The following HSPA12A variants were observed in gnomAD, a reference collection of about 807,000 sequenced individuals.
The protein encoded by HSPA12A is heat shock 70 kDa protein 12A.
Under a neutral mutation model 69.2 loss-of-function variants are expected in HSPA12A, and 28 were observed. The ratio of observed to expected loss-of-function variants is 0.40; its 90% CI spans 0.30 to 0.55. The LOEUF is 0.55. Among genes scored for constraint, HSPA12A ranks in the 20% least tolerant of loss-of-function variants. The pLI, the probability that HSPA12A is intolerant of heterozygous loss-of-function variation, is 0.38. For synonymous variants in HSPA12A, 345 were observed against 370.5 expected, an observed-to-expected ratio of 0.93 and a Z score of 0.79; for missense variants, 686 against 900.7, an observed-to-expected ratio of 0.76 and a Z score of 3.05.
intron 2 of HSPA12A, among the ~76,000 whole-genome samples, chr10:116,779,204 G>A (rs1298314581): frequency 2.0e-5 from 3 of 152,200 alleles, no homozygotes; most frequent in Non-Finnish European, 1.5e-5. Flanking sequence ...AACTCCAAGG[G>A]GGACATGTGG....
At chr10:116,809,468 A>AG (rs1448275812) in intron 2 of HSPA12A, among the ~76,000 whole-genome samples, 1 of 152,232 alleles carries the variant, frequency 6.6e-6, no homozygotes. Context: ...TTCTAAAAAG[A>AG]GGGCTGAAAA....
At chr10:116,849,431 C>T in intron 1 of HSPA12A, 1 of 1,269,018 alleles carries the variant, frequency 7.9e-7, no homozygotes, top group Non-Finnish European at 1.0e-6. Flanking sequence ...AAGGGAACGA[C>T]TTTTACCGCA....
At chr10:116,836,645 C>T (rs1377266015) in intron 1 of HSPA12A, among the ~76,000 whole-genome samples, 2 of 152,168 alleles carry the variant, frequency 1.3e-5, no homozygotes, top group African/African-American at 4.8e-5. Flanking sequence ...TTGCATACAT[C>T]CCCAAGTATT....
intron 2 of HSPA12A, among the ~76,000 whole-genome samples, chr10:116,781,674 G>A (rs1175902386): frequency 6.6e-6 from 1 of 152,092 alleles, no homozygotes; most frequent in African/African-American, 2.4e-5. Flanking sequence ...CAAAGCACTC[G>A]GCCTCTCTCC....
chr10:116,815,393 C>T (rs1845283521), intron 2 of HSPA12A, among the ~76,000 whole-genome samples: 1 of 152,078 alleles, frequency 6.6e-6, no homozygotes, highest in Admixed American at 6.6e-5. Flanking sequence ...TGGCAAGACC[C>T]CATTTCCACA....
At chr10:116,729,234 A>C (rs1196440488) in intron 1 of HSPA12A, among the ~76,000 whole-genome samples, 1 of 151,826 alleles carries the variant, frequency 6.6e-6, no homozygotes, top group African/African-American at 2.4e-5. Flanking sequence ...CCCACCCCCA[A>C]CCCCTGACTG....
In HSPA12A at chr10:116,671,744, A is replaced by T. The variant is rs1317629465; in HGVS notation, c.*3037T>A. ...TGTACGGAAAGGGCAGTTACAAAGG[A>T]AAGCCTTGATGATTCTGCTTCCAAG... On this transcript the variant is annotated 3_prime_UTR_variant, in exon 12 of 12. Transcript: ENST00000369209. The T allele has an allele frequency of 9.8e-5, 15 of 152,656 alleles. No homozygotes were observed. Among genetic ancestry groups the T allele is most frequent in the Admixed American group, 9.8e-4 (15 of 15,282 alleles). The allele number at this position is 152,656 out of a possible 1,614,324, so 9.5% of individuals were successfully genotyped here. A position where few individuals can be genotyped will look rare whatever the true frequency, so the allele number is the denominator to read the frequency against.
rs3034012 is a variant in HSPA12A, at chr10:116,732,328, C to CAAAGAAAGAAAGAAAGAAAG, written c.40+10082_40+10101dup. On this transcript the variant is annotated intron_variant, in intron 1 of 11. Coordinates refer to ENST00000369209, the MANE Select transcript of HSPA12A (RefSeq NM_025015.3). ...CTGGGTGACTCCGTCTCAAAAAAAA[C>CAAAGAAAGAAAGAAAGAAAG]AAAGAAAGAAAGAAAGAAAGAAAGA... is the stretch of plus-strand genomic sequence containing the variant. 1.3e-3 allele frequency among the ~76,000 whole-genome samples: 167 copies of CAAAGAAAGAAAGAAAGAAAG among 124,170 alleles called. 9 individuals carry two copies. The highest frequency in any genetic ancestry group is 4.2e-3 in the African/African-American group (156 of 36,780). The allele number at this position is 124,170 out of a possible 152,430, so 81.5% of individuals were successfully genotyped here.
intron 2 of HSPA12A, among the ~76,000 whole-genome samples, chr10:116,781,762 G>A (rs1386306998): frequency 6.6e-6 from 1 of 152,102 alleles, no homozygotes; most frequent in Non-Finnish European, 1.5e-5. Context: ...GGTCTGCTGT[G>A]GGCTCTGCCT....
intron 3 of HSPA12A, among the ~76,000 whole-genome samples, chr10:116,702,953 T>C (rs1189267220): frequency 1.3e-5 from 2 of 152,234 alleles, no homozygotes; most frequent in Admixed American, 6.5e-5. Flanking sequence ...CACTCCTTCT[T>C]TTCTGTTTTC....
intron 2 of HSPA12A, among the ~76,000 whole-genome samples, chr10:116,822,988 G>A (rs1271531910): frequency 6.6e-6 from 1 of 152,204 alleles, no homozygotes; most frequent in Non-Finnish European, 1.5e-5. Context: ...GTTGACATGA[G>A]TCAATGGTGT....
intron 1 of HSPA12A, among the ~76,000 whole-genome samples, chr10:116,736,499 G>C (rs781823676): frequency 3.3e-5 from 5 of 152,174 alleles, no homozygotes; most frequent in African/African-American, 1.2e-4. Flanking sequence ...GGAGTCAGCA[G>C]ATGTGATTAA....
rs921339641 is a variant in HSPA12A at position 116,675,464 on chromosome 10, C to A, written c.1391-46G>T. Reference sequence around the variant, plus strand: ...AGAATGTCCTGTCACCAAAAGCCAGCAAGGAAGGGGGAACTGGGCTGCCTG... The same window carrying A: ...AGAATGTCCTGTCACCAAAAGCCAGAAAGGAAGGGGGAACTGGGCTGCCTG... On this transcript the variant is annotated intron_variant, in intron 11 of 11. Transcript: ENST00000369209. The surrounding 1 kb of genome is among the most constrained non-coding windows in gnomAD (Gnocchi z 5.2). 3.3e-6 allele frequency: 5 copies of A among 1,501,344 alleles called. No homozygotes were observed. The highest frequency in any genetic ancestry group is 4.4e-6 in the Non-Finnish European group (5 of 1,123,756). 93.0% of individuals were successfully genotyped at this position (1,501,344 alleles called of 1,614,324 possible).
In HSPA12A at chr10:116,742,537, C is replaced by A. The variant is rs1318639726; in HGVS notation, c.-68G>T. Reference sequence around the variant, plus strand: ...GCCCGTGCCCGTGCGGGTCTCTGTCCGCGTCCGCGGCGGCGCTCGGGCCGT... The same window carrying A: ...GCCCGTGCCCGTGCGGGTCTCTGTCAGCGTCCGCGGCGGCGCTCGGGCCGT... On this transcript the variant is annotated 5_prime_UTR_variant, in exon 1 of 12. Coordinates refer to ENST00000369209, the MANE Select transcript of HSPA12A (RefSeq NM_025015.3). 9 of 1,190,460 alleles carry A rather than the reference C, an allele frequency of 7.6e-6. No individual in the cohort carries two copies. Among genetic ancestry groups the A allele is most frequent in the Non-Finnish European group, 8.3e-6 (8 of 961,342 alleles). 73.7% of individuals were successfully genotyped at this position (1,190,460 alleles called of 1,614,324 possible). A position where few individuals can be genotyped will look rare whatever the true frequency, so the allele number is the denominator to read the frequency against.
chr10:116,796,234 T>C (rs1844824666), intron 2 of HSPA12A, among the ~76,000 whole-genome samples: 1 of 152,062 alleles, frequency 6.6e-6, no homozygotes, highest in Non-Finnish European at 1.5e-5. Flanking sequence ...ATATTACTTG[T>C]ATAGCATCTG....
At chr10:116,840,176 T>C (rs914082280) in intron 1 of HSPA12A, among the ~76,000 whole-genome samples, 17 of 152,216 alleles carry the variant, frequency 1.1e-4, no homozygotes, top group Non-Finnish European at 2.2e-4. Flanking sequence ...AGACTTACAA[T>C]TATCTCTGAA....
At chr10:116,746,325 G>A (rs781803195), upstream of HSPA12A, among the ~76,000 whole-genome samples, 1 of 152,230 alleles carries the variant, frequency 6.6e-6, no homozygotes, top group Non-Finnish European at 1.5e-5. Flanking sequence ...GGAAAGGGCT[G>A]GACATGATGC....
chr10:116,849,136 G>A (rs1381522535), intron 1 of HSPA12A, among the ~76,000 whole-genome samples: 2 of 152,208 alleles, frequency 1.3e-5, no homozygotes, highest in African/African-American at 4.8e-5. Flanking sequence ...CAGAGAGCAA[G>A]GGGGCGCGTG....
chr10:116,681,195 G>A lies in HSPA12A; in HGVS notation c.984C>T (p.Ile328=), dbSNP rs1554878540. 6.2e-7 allele frequency: 1 copy of A among 1,614,164 alleles called. No individual in the cohort carries two copies. The highest frequency in any genetic ancestry group is 2.2e-5 in the East Asian group (1 of 44,880). The change falls in exon 9 of 12, where the codon ATC becomes ATT. Residue 328 remains isoleucine, a synonymous_variant. Coordinates refer to ENST00000369209, the MANE Select transcript of HSPA12A (RefSeq NM_025015.3). ...GGTVDLTVHQ[I]RLPEGHLKEL... ...CCTTAAGGTGTCCCTCCGGTAACCG[G>A]ATCTGATGGACTGTCAGGTCTACGG...
Sources: allele counts gnomAD v4.1 joint callset (sites outside exome capture counted in the v4.1 genomes callset), GRCh38; gene constraint gnomAD v4.1.1; non-coding constraint Gnocchi (gnomAD v3.1); transcripts MANE v1.5; gene names NCBI Gene and HGNC (gene_info 2026-07-23, HGNC 2026-07-21).